The following PRDM16 variants were observed in gnomAD, a reference collection of about 807,000 sequenced individuals.
PRDM16 encodes PR/SET domain 16.
In PRDM16, 23 loss-of-function variants were observed where a neutral mutation model predicts 110.6. The observed-to-expected ratio is 0.21, with a 90% confidence interval of 0.15 to 0.29. The LOEUF is 0.29. Ranked by LOEUF, PRDM16 falls within the 10% of genes least tolerant of loss-of-function variation. PRDM16 has a pLI of 1.00. For synonymous variants in PRDM16, 799 were observed against 781.8 expected (o/e 1.02, Z -0.37); for missense variants, 1,615 against 1,794.3 (o/e 0.90, Z 1.81).
intron 4 of PRDM16, among the ~76,000 whole-genome samples, chr1:3,391,888 C>T (rs1643306750): frequency 6.6e-6 from 1 of 152,252 alleles, no homozygotes; most frequent in South Asian, 2.1e-4. Context: ...AACCCCAGCG[C>T]TGCAAATCGG....
chr1:3,291,383 G>A (rs1234740426), intron 3 of PRDM16, among the ~76,000 whole-genome samples: 2 of 152,158 alleles, frequency 1.3e-5, no homozygotes, highest in Non-Finnish European at 2.9e-5. Flanking sequence ...CCTCTGCACC[G>A]CAGGGGCCAG....
intron 4 of PRDM16, among the ~76,000 whole-genome samples, chr1:3,389,724 CG>C (rs936011721): frequency 6.6e-6 from 1 of 152,246 alleles, no homozygotes; most frequent in Non-Finnish European, 1.5e-5. Context: ...GCTCCTGAAG[CG>C]GCGCAGGCTC....
chr1:3,289,059 G>A (rs1640916187), intron 3 of PRDM16, among the ~76,000 whole-genome samples: 1 of 152,224 alleles, frequency 6.6e-6, no homozygotes, highest in African/African-American at 2.4e-5. Context: ...AAGACCCCAA[G>A]CCCTGCAGAG....
chr1:3,177,881 G>A (rs1246813235), intron 1 of PRDM16, among the ~76,000 whole-genome samples: 1 of 152,228 alleles, frequency 6.6e-6, no homozygotes, highest in Non-Finnish European at 1.5e-5. Flanking sequence ...TGCAACCTCA[G>A]GCGTTCACAT....
intron 1 of PRDM16, among the ~76,000 whole-genome samples, chr1:3,106,151 T>G (rs2993496): frequency 3.5e-5 from 5 of 142,902 alleles, no homozygotes; most frequent in African/African-American, 5.1e-5. Context: ...CCTGGCAGGG[T>G]GGGCGGGGTA....
intron 3 of PRDM16, among the ~76,000 whole-genome samples, chr1:3,340,589 C>T (rs1275199309): frequency 6.6e-6 from 1 of 152,216 alleles, no homozygotes; most frequent in Non-Finnish European, 1.5e-5. Flanking sequence ...GAGTCTGTCC[C>T]TTCTACGCGT....
intron 1 of PRDM16, among the ~76,000 whole-genome samples, chr1:3,100,228 C>T (rs1284519001): frequency 6.6e-6 from 1 of 152,204 alleles, no homozygotes; most frequent in Non-Finnish European, 1.5e-5. Flanking sequence ...TGACGTGGCC[C>T]CAGTGCCCAC....
chr1:3,410,805 G>C (rs903549604), intron 8 of PRDM16, among the ~76,000 whole-genome samples: 5 of 152,198 alleles, frequency 3.3e-5, no homozygotes, highest in Non-Finnish European at 5.9e-5. Context: ...TCCACTGATG[G>C]AGTGGCAGAC....
chr1:3,326,663 C>T (rs1173433654), intron 3 of PRDM16, among the ~76,000 whole-genome samples: 1 of 152,142 alleles, frequency 6.6e-6, no homozygotes, highest in African/African-American at 2.4e-5. Context: ...ATTAGAGGAG[C>T]GGGGAACAGG....
chr1:3,072,756 G>A (rs886098585), intron 1 of PRDM16, among the ~76,000 whole-genome samples: 2 of 152,186 alleles, frequency 1.3e-5, no homozygotes, highest in Admixed American at 6.5e-5. Flanking sequence ...CAGGACGTCC[G>A]GCGGGAATCC....
chr1:3,095,691 G>A (rs1170044936), intron 1 of PRDM16, among the ~76,000 whole-genome samples: 3 of 152,130 alleles, frequency 2.0e-5, no homozygotes, highest in Admixed American at 2.0e-4. Flanking sequence ...AGTGTGTGCC[G>A]TGGGCAGCCT....
At position 3,435,247 on chromosome 1, in the gene PRDM16, ATTTCT is replaced by A. The variant is rs1326652740; in HGVS notation, c.*1443_*1447del. ...TATAACTTGTAATTTTTTCTAATTC[ATTTCT>A]TTTCTTATTTTATTTCCTCCTTAAC... On this transcript the variant is annotated 3_prime_UTR_variant, in exon 17 of 17. Coordinates refer to ENST00000270722, the MANE Select transcript of PRDM16 (RefSeq NM_022114.4). The A allele has an allele frequency of 9.0e-6, 2 of 221,554 alleles. No individual in the cohort carries two copies. The highest frequency in any genetic ancestry group is 1.8e-4 in the South Asian group (1 of 5,416). 13.7% of individuals were successfully genotyped at this position (221,554 alleles called of 1,614,324 possible). A position where few individuals can be genotyped will look rare whatever the true frequency, so the allele number is the denominator to read the frequency against.
At chr1:3,313,065 C>T (rs1641502546) in intron 3 of PRDM16, among the ~76,000 whole-genome samples, 1 of 152,216 alleles carries the variant, frequency 6.6e-6, no homozygotes, top group Admixed American at 6.5e-5. Flanking sequence ...GGCACAGGCA[C>T]CGTGTCCCAA....
rs1377365073 is a variant in PRDM16 at position 3,436,774 on chromosome 1, C to T, written c.*2963C>T. On this transcript the variant is annotated 3_prime_UTR_variant, in exon 17 of 17. Coordinates refer to ENST00000270722, the MANE Select transcript of PRDM16 (RefSeq NM_022114.4). ...GGGCCATGTAACTGTGCAGCATGGA[C>T]AGGGATGCGACGGGGCAGCTGGCTG... is the stretch of plus-strand genomic sequence containing the variant. 8.6e-6 allele frequency: 2 copies of T among 233,086 alleles called. No homozygotes were observed. The highest frequency in any genetic ancestry group is 1.1e-4 in the Admixed American group (2 of 17,782). 14.4% of individuals were successfully genotyped at this position (233,086 alleles called of 1,614,324 possible). A position where few individuals can be genotyped will look rare whatever the true frequency, so the allele number is the denominator to read the frequency against.
rs752710251 is a variant in PRDM16 at position 3,069,251 on chromosome 1, G to A, written c.-9G>A. 1.9e-6 allele frequency: 3 copies of A among 1,576,956 alleles called. No homozygotes were observed. The highest frequency in any genetic ancestry group is 1.1e-5 in the South Asian group (1 of 87,340). ...AAGGAGGAGGAGAGAGATTCCGCGA[G>A]CCGACACCATGCGATCCAAGGCGAG... On this transcript the variant is annotated 5_prime_UTR_variant, in exon 1 of 17. Coordinates refer to ENST00000270722, the MANE Select transcript of PRDM16 (RefSeq NM_022114.4). The surrounding 1 kb of genome is among the most constrained non-coding windows in gnomAD (Gnocchi z 6.1).
rs903397632 is a variant in PRDM16 at position 3,353,603 on chromosome 1, G to T, written c.439-31549G>T. Among the ~76,000 whole-genome samples, 11 of 152,210 alleles carry T rather than the reference G, an allele frequency of 7.2e-5. No homozygotes were observed. Among genetic ancestry groups the T allele is most frequent in the African/African-American group, 2.7e-4 (11 of 41,462 alleles). On this transcript the variant is annotated intron_variant, in intron 3 of 16. Coordinates refer to ENST00000270722, the MANE Select transcript of PRDM16 (RefSeq NM_022114.4). This position sits in a 1 kb window ranked among gnomAD's most constrained non-coding sequence, Gnocchi z 5.4. ...GCACAGGCCACAGGGGATGAGTCCA[G>T]CCCCGCAGTGTGACCGGCAGTTGGC... is the stretch of plus-strand genomic sequence containing the variant.
intron 3 of PRDM16, among the ~76,000 whole-genome samples, chr1:3,323,701 G>T (rs1342852740): frequency 6.6e-6 from 1 of 152,238 alleles, no homozygotes; most frequent in Non-Finnish European, 1.5e-5. Flanking sequence ...TTCCCCGCAG[G>T]CCTGGCTTCC....
intron 1 of PRDM16, among the ~76,000 whole-genome samples, chr1:3,160,050 G>A (rs1157095129): frequency 6.6e-6 from 1 of 152,224 alleles, no homozygotes; most frequent in Non-Finnish European, 1.5e-5. Context: ...GCTGTGTTGG[G>A]CTGAGATTCA....
chr1:3,114,175 GCACACACA>G lies in PRDM16; in HGVS notation c.37+44881_37+44888del, dbSNP rs59552389. On this transcript the variant is annotated intron_variant, in intron 1 of 16. Transcript: ENST00000270722. ...CACGCACACACACACGCACACACAC[GCACACACA>G]CGCACACACGCACACGCACGCACAC... Among the ~76,000 whole-genome samples the G allele has an allele frequency of 3.4e-4, 38 of 112,992 alleles. No homozygotes were observed. The South Asian group carries it at 4.3e-3, about 13-fold the overall frequency. The allele number at this position is 112,992 out of a possible 152,430, so 74.1% of individuals were successfully genotyped here. A position where few individuals can be genotyped will look rare whatever the true frequency, so the allele number is the denominator to read the frequency against.
Sources: allele counts gnomAD v4.1 joint callset (sites outside exome capture counted in the v4.1 genomes callset), GRCh38; gene constraint gnomAD v4.1.1; non-coding constraint Gnocchi (gnomAD v3.1); transcripts MANE v1.5; gene names NCBI Gene and HGNC (gene_info 2026-07-23, HGNC 2026-07-21).